Variants in DYSF observed in about 807,000 individuals in gnomAD.
The protein encoded by DYSF is dystrophy-associated fer-1-like 1.
DYSF carries 212 observed loss-of-function variants against 274.9 expected under a neutral mutation model. The observed-to-expected ratio is 0.77, with a 90% CI of 0.69 to 0.86. The LOEUF is 0.86. Ranked by LOEUF, DYSF falls within the 40% of genes least tolerant of loss-of-function variation. The probability of loss-of-function intolerance (pLI) is 0.00; values close to 1 mark genes in which losing one functional copy is unlikely to be tolerated. For missense variants in DYSF, 2,666 were observed against 2,783.2 expected (o/e 0.96, Z 0.95); for synonymous variants, 1,091 against 1,078.7 (o/e 1.01, Z -0.22).
intron 1 of DYSF, among the ~76,000 whole-genome samples, chr2:71,458,734 A>G (rs1206391702): frequency 2.6e-5 from 4 of 152,172 alleles, no homozygotes; most frequent in African/African-American, 7.2e-5. Context: ...GAGCGTTCAC[A>G]TCTACTGTGG....
At chr2:71,684,344 C>T (rs762961139) in intron 55 of DYSF, among the ~76,000 whole-genome samples, 5 of 152,344 alleles carry the variant, frequency 3.3e-5, no homozygotes, top group Non-Finnish European at 7.3e-5. Flanking sequence ...TGCCTGGTGT[C>T]TCCTGCCCAG....
intron 17 of DYSF, among the ~76,000 whole-genome samples, chr2:71,543,380 G>T (rs1335385962): frequency 6.6e-6 from 1 of 151,238 alleles, no homozygotes; most frequent in Non-Finnish European, 1.5e-5. Context: ...TCCCAGACTG[G>T]GCAGCCGGGC....
chr2:71,522,076 T>C (rs114872106), intron 12 of DYSF, among the ~76,000 whole-genome samples: 4,875 of 152,016 alleles, frequency 0.032, 126 homozygotes, highest in Non-Finnish European at 0.04. Context: ...CTGTCTTCTT[T>C]AGCCTCCTCT....
intron 23 of DYSF, among the ~76,000 whole-genome samples, chr2:71,563,839 G>A (rs1478391068): frequency 6.6e-6 from 1 of 152,220 alleles, no homozygotes; most frequent in African/African-American, 2.4e-5. Flanking sequence ...GCTGGGGGCA[G>A]CCTTATGCTC....
rs757768885 is a variant in DYSF at position 71,661,828 on chromosome 2, T to TG, written c.5003+1181dup. On this transcript the variant is annotated intron_variant, in intron 45 of 55. Coordinates refer to ENST00000410020, the MANE Select transcript of DYSF (RefSeq NM_001130987.2). ...CCCTGCAGTGAGGACCCAGTCTCCT[T>TG]GGGGAAATGCAGCTTTTGAAGGTGA... Among the ~76,000 whole-genome samples, 50 of 152,154 alleles carry TG rather than the reference T, an allele frequency of 3.3e-4. 1 individual carries two copies. Among genetic ancestry groups the TG allele is most frequent in the Admixed American group, 2.7e-3 (41 of 15,286 alleles).
chr2:71,680,057 A>G (rs1202336674), intron 53 of DYSF, among the ~76,000 whole-genome samples: 1 of 152,160 alleles, frequency 6.6e-6, no homozygotes, highest in Non-Finnish European at 1.5e-5. Context: ...ATCTATGAGA[A>G]AGTTTAATTT....
chr2:71,613,591 G>A (rs565505502), intron 40 of DYSF, among the ~76,000 whole-genome samples, 181 bp downstream of exon 40: 1 of 152,192 alleles, frequency 6.6e-6, no homozygotes, highest in Admixed American at 6.5e-5. Context: ...TCTGGCTGAG[G>A]GGGGTGGGGT....
At position 71,656,309 on chromosome 2, in the gene DYSF, C is replaced by G. The variant is rs368894620; in HGVS notation, c.4755+19C>G. ...ATTTAAGGTAAATCCTCGAAGACGT[C>G]CCTAACCCAGGTGGGCCTAAGACTG... On this transcript the variant is annotated intron_variant, in intron 43 of 55. Coordinates refer to ENST00000410020, the MANE Select transcript of DYSF (RefSeq NM_001130987.2). The G allele has an allele frequency of 2.0e-5, 32 of 1,613,240 alleles. No individual in the cohort carries two copies. Among genetic ancestry groups the G allele is most frequent in the African/African-American group, 4.0e-5 (3 of 74,924 alleles).
intron 1 of DYSF, among the ~76,000 whole-genome samples, chr2:71,469,716 G>A (rs561860301): frequency 6.6e-6 from 1 of 152,308 alleles, no homozygotes; most frequent in South Asian, 2.1e-4. Flanking sequence ...ATTAATAGTA[G>A]AGGCTACTAA....
At chr2:71,500,421 G>A (rs2084862916) in intron 3 of DYSF, among the ~76,000 whole-genome samples, 1 of 152,110 alleles carries the variant, frequency 6.6e-6, no homozygotes, top group African/African-American at 2.4e-5. Context: ...GGAGGGACTT[G>A]CCCCCAGGCC....
rs146162094 is a variant in DYSF, at chr2:71,522,731, T to A, written c.1149+1827T>A. Among the ~76,000 whole-genome samples, 162 of 152,294 alleles carry A rather than the reference T, an allele frequency of 1.1e-3. 1 individual carries two copies. Among genetic ancestry groups the A allele is most frequent in the East Asian group, 9.3e-3 (48 of 5,174 alleles). On this transcript the variant is annotated intron_variant, in intron 12 of 55. Transcript: ENST00000410020. ...ACTTATTATAGTAAATCTAACTTAT[T>A]ATAGCAAAGCCTGTATCATTTGCTG...
In DYSF at chr2:71,517,038, G is replaced by A. The variant is rs760585799; in HGVS notation, c.1001G>A (p.Arg334Gln). The change falls in exon 10 of 56, where the codon CGG becomes CAG. Residue 334 changes from arginine (R) to glutamine (Q), a missense_variant and splice_region_variant. Physicochemically the swap from Arg to Gln is conservative, Grantham distance 43 (BLOSUM62 1). This residue lies in a region of DYSF where 794 missense variants were observed against 777.1 expected (regional missense o/e 1.02). Transcript: ENST00000410020. ...ACAGATGCTCTCCTCGGGGAGTTCCGGGTAATTGCTTATTTTCTATGAAAG... is the reference window on the plus strand; with the variant it reads ...ACAGATGCTCTCCTCGGGGAGTTCCAGGTAATTGCTTATTTTCTATGAAAG... ...LRTDALLGEF[R>Q]MDVGTIYREP... is the part of the protein sequence containing the mutation. 5 of 1,613,914 alleles carry A rather than the reference G, an allele frequency of 3.1e-6. No homozygotes were observed. Among genetic ancestry groups the A allele is most frequent in the Middle Eastern group, 1.6e-4 (1 of 6,082 alleles).
chr2:71,550,665 G>A (rs1436998286), intron 17 of DYSF, among the ~76,000 whole-genome samples: 1 of 152,180 alleles, frequency 6.6e-6, no homozygotes, highest in Non-Finnish European at 1.5e-5. Flanking sequence ...GGAGGGGCAC[G>A]AGCAGTGGAG....
chr2:71,605,460 C>T (rs2093629007), intron 36 of DYSF, among the ~76,000 whole-genome samples: 2 of 152,130 alleles, frequency 1.3e-5, no homozygotes, highest in Non-Finnish European at 2.9e-5. Flanking sequence ...ATGCCCAGGG[C>T]CCCCTAGGAT....
At chr2:71,534,134 C>T (rs1224224483) in intron 14 of DYSF, among the ~76,000 whole-genome samples, 2 of 152,178 alleles carry the variant, frequency 1.3e-5, no homozygotes, top group Admixed American at 6.5e-5. Context: ...ATCATCCTCA[C>T]CCCTGGGGAC....
chr2:71,520,420 G>A (rs2087130292), intron 11 of DYSF, among the ~76,000 whole-genome samples: 1 of 152,196 alleles, frequency 6.6e-6, no homozygotes, highest in Non-Finnish European at 1.5e-5. Context: ...GGCCCATTCA[G>A]GGAGGCTAGA....
chr2:71,530,201 C>T (rs2088514587), intron 14 of DYSF, among the ~76,000 whole-genome samples: 1 of 151,596 alleles, frequency 6.6e-6, no homozygotes, highest in East Asian at 1.9e-4. Flanking sequence ...AAACAGGAAG[C>T]TGCGGCTGTA....
intron 1 of DYSF, among the ~76,000 whole-genome samples, chr2:71,473,685 C>T (rs2082194669): frequency 6.6e-6 from 1 of 152,168 alleles, no homozygotes; most frequent in Non-Finnish European, 1.5e-5. Flanking sequence ...CCACCTGTGT[C>T]CATTCCATTT....
At chr2:71,656,132 G>T (rs985043074) in intron 42 of DYSF, 30 bp from the exon 43 acceptor site, 1 of 1,612,564 alleles carries the variant, frequency 6.2e-7, no homozygotes, top group East Asian at 2.2e-5. Flanking sequence ...TCTGTCTCTT[G>T]TCCCCTCCTC....
Sources: allele counts gnomAD v4.1 joint callset (sites outside exome capture counted in the v4.1 genomes callset), GRCh38; gene constraint gnomAD v4.1.1; regional missense constraint gnomAD v4.1.1; transcripts MANE v1.5; gene names NCBI Gene and HGNC (gene_info 2026-07-23, HGNC 2026-07-21).